Variants in MUC22 observed in about 807,000 individuals in gnomAD.
MUC22 encodes the protein mucin-22.
MUC22 carries 24 observed loss-of-function variants against 40.3 expected under a neutral mutation model. That is an observed-to-expected ratio of 0.60 (90% CI 0.43 to 0.84). MUC22 has a LOEUF of 0.84. Ranked by LOEUF, MUC22 falls within the 40% of genes least tolerant of loss-of-function variation. MUC22 has a pLI of 0.00. For missense variants in MUC22, 1,926 were observed against 2,130.7 expected, an observed-to-expected ratio of 0.90 and a Z score of 1.89; for synonymous variants, 765 against 844.5, an observed-to-expected ratio of 0.91 and a Z score of 1.63.
chr6:31,028,021 G>T lies in MUC22; in HGVS notation c.2590G>T (p.Glu864Ter). 1 of 1,533,038 alleles carries T rather than the reference G, an allele frequency of 6.5e-7. No individual in the cohort carries two copies. Among genetic ancestry groups the T allele is most frequent in the Admixed American group, 2.0e-5 (1 of 50,736 alleles). 95.0% of individuals were successfully genotyped at this position (1,533,038 alleles called of 1,614,324 possible). A position where few individuals can be genotyped will look rare whatever the true frequency, so the allele number is the denominator to read the frequency against. The stretch of plus-strand genomic sequence containing the variant: ...CACCACAGCATCTACTGCAGATTCT[G>T]AGACCACCTCAGCCTCTACTACAGG... Residue 864 changes from glutamate (E) to a stop codon, truncating the protein, a stop_gained, in exon 2 of 4, where the codon GAG (glutamate) becomes TAG (stop). Transcript: ENST00000561890. LOFTEE classifies it high-confidence loss of function.
intron 1 of MUC22, among the ~76,000 whole-genome samples, chr6:31,020,003 A>G (rs114952211): frequency 0.025 from 3,863 of 152,286 alleles, 74 homozygotes; most frequent in Non-Finnish European, 0.027. Flanking sequence ...TTTGTCTGCA[A>G]TATGTATTAT....
chr6:31,022,240 C>A (rs756445011), intron 1 of MUC22, among the ~76,000 whole-genome samples: 1 of 152,198 alleles, frequency 6.6e-6, no homozygotes, highest in African/African-American at 2.4e-5. Context: ...CCCACCAATT[C>A]CAGACACACT....
chr6:31,029,441 C>T, exon 2 of MUC22: 6 of 1,535,048 alleles, frequency 3.9e-6, no homozygotes, highest in Non-Finnish European at 5.2e-6. Flanking sequence ...GAGACCACCA[C>T]AGTCTCCACC....
chr6:31,010,359 A>G (rs1391012854), upstream of MUC22: 1 of 248,624 alleles, frequency 4.0e-6, no homozygotes, highest in Non-Finnish European at 7.8e-6. Flanking sequence ...CATCTCTCCA[A>G]ACGGCCCTGC....
chr6:31,031,286 C>T (rs1347447800), intron 2 of MUC22, among the ~76,000 whole-genome samples: 8 of 152,172 alleles, frequency 5.3e-5, no homozygotes, highest in Non-Finnish European at 1.2e-4. Flanking sequence ...GTCAGGTCCT[C>T]CTACATCTGC....
exon 4 of MUC22, chr6:31,035,170 G>A (rs1766364079): frequency 1.9e-6 from 1 of 535,392 alleles, no homozygotes; most frequent in Non-Finnish European, 3.2e-6. Flanking sequence ...AAGGACCTCA[G>A]AGACTTTGAC....
chr6:31,034,716 C>G, exon 4 of MUC22: 1 of 1,535,648 alleles, frequency 6.5e-7, no homozygotes, highest in Non-Finnish European at 8.7e-7. Flanking sequence ...TTTATTACCC[C>G]CATGGCCACA....
At position 31,030,217 on chromosome 6, in the gene MUC22, G is replaced by C; in HGVS notation, c.4669+117G>C. The C allele has an allele frequency of 4.1e-6, 5 of 1,231,520 alleles. 1 individual carries two copies. The highest frequency in any genetic ancestry group is 2.0e-4 in the Middle Eastern group (1 of 5,126). The allele number at this position is 1,231,520 out of a possible 1,614,324, so 76.3% of individuals were successfully genotyped here. A position where few individuals can be genotyped will look rare whatever the true frequency, so the allele number is the denominator to read the frequency against. On this transcript the variant is annotated intron_variant, in intron 2 of 3. Coordinates refer to ENST00000561890, the Ensembl canonical transcript of MUC22. ...TTCAAGTCAAGCCAGCACACAGTTA[G>C]ATATAATTTCCTCTTCTAGGCTGGG...
exon 2 of MUC22, chr6:31,028,255 T>C: frequency 6.5e-7 from 1 of 1,534,014 alleles, no homozygotes; most frequent in Non-Finnish European, 8.7e-7. Flanking sequence ...TACTGAAGGC[T>C]CTGGGACCAC....
Position 31,032,360 on chromosome 6 carries a change from C to T in MUC22, c.4834C>T (p.His1612Tyr). Reference sequence around the variant, plus strand: ...GGGAGCATCATCTACCACCTCAGCCCACGGCGTCAGGACCACCACAGGATC... The same window carrying T: ...GGGAGCATCATCTACCACCTCAGCCTACGGCGTCAGGACCACCACAGGATC... Residue 1612 changes from histidine to tyrosine, a missense_variant, in exon 3 of 4, where the codon CAC (histidine) becomes TAC (tyrosine). Coordinates refer to ENST00000561890, the Ensembl canonical transcript of MUC22. The surrounding 1 kb of genome is among the most constrained non-coding windows in gnomAD (Gnocchi z 4.1). The T allele has an allele frequency of 6.5e-7, 1 of 1,535,678 alleles. No individual in the cohort carries two copies. Among genetic ancestry groups the T allele is most frequent in the Non-Finnish European group, 8.7e-7 (1 of 1,146,906 alleles).
chr6:31,013,228 G>A (rs1489505650), intron 1 of MUC22, among the ~76,000 whole-genome samples: 1 of 150,476 alleles, frequency 6.6e-6, no homozygotes, highest in Non-Finnish European at 1.5e-5. Flanking sequence ...CCAGGTTCAA[G>A]CGATTCTCCT....
chr6:31,027,464 T>C, exon 2 of MUC22: 4 of 1,529,388 alleles, frequency 2.6e-6, no homozygotes, highest in Non-Finnish European at 3.5e-6. Context: ...ATGACTGCAG[T>C]CTCCACCACA....
exon 2 of MUC22, chr6:31,025,514 C>T: frequency 1.3e-6 from 2 of 1,504,444 alleles, no homozygotes; most frequent in African/African-American, 1.4e-5. Flanking sequence ...TCTGAGAATA[C>T]CACAGCCTTC....
chr6:31,015,907 G>A (rs1419592544), intron 1 of MUC22, among the ~76,000 whole-genome samples: 1 of 151,850 alleles, frequency 6.6e-6, no homozygotes, highest in Non-Finnish European at 1.5e-5. Flanking sequence ...TCTCTGTTCT[G>A]TCTTTCTGAA....
At chr6:31,018,243 A>G (rs1340837508) in intron 1 of MUC22, among the ~76,000 whole-genome samples, 1 of 152,166 alleles carries the variant, frequency 6.6e-6, no homozygotes, top group Non-Finnish European at 1.5e-5. Flanking sequence ...AAAGGAAGAG[A>G]GGTGTATTCA....
intron 1 of MUC22, among the ~76,000 whole-genome samples, chr6:31,022,016 A>C (rs1019672929): frequency 6.6e-6 from 1 of 152,120 alleles, no homozygotes; most frequent in African/African-American, 2.4e-5. Context: ...GGAAGGAACA[A>C]TTCCACACGC....
chr6:31,017,177 G>A (rs1289690481), intron 1 of MUC22, among the ~76,000 whole-genome samples: 3 of 152,252 alleles, frequency 2.0e-5, no homozygotes, highest in East Asian at 3.9e-4. Flanking sequence ...AAGGGCTGAG[G>A]AGTACTGGCG....
intron 1 of MUC22, among the ~76,000 whole-genome samples, chr6:31,018,057 C>G (rs1764374494): frequency 6.6e-6 from 1 of 152,220 alleles, no homozygotes; most frequent in Non-Finnish European, 1.5e-5. Context: ...TCAGGACACA[C>G]CACTTGTAAG....
intron 3 of MUC22, among the ~76,000 whole-genome samples, chr6:31,034,174 T>C: frequency 6.6e-6 from 1 of 152,224 alleles, no homozygotes; most frequent in Non-Finnish European, 1.5e-5. Flanking sequence ...ATGTAGTGAG[T>C]GGCAGATATA....
Sources: gnomAD v4.1 joint callset for allele counts (sites outside exome capture counted in the v4.1 genomes callset) on GRCh38, gnomAD v4.1.1 for gene constraint, Gnocchi (gnomAD v3.1) non-coding constraint, MANE v1.5 for transcripts, NCBI Gene and HGNC (gene_info 2026-07-23, HGNC 2026-07-21) for gene names.